MGAT4D: variants seen among roughly 807,000 people sequenced by gnomAD.
MGAT4D encodes the protein alpha-1,3-mannosyl-glycoprotein 4-beta-N-acetylglucosaminyltransferase-like protein MGAT4D.
In MGAT4D, 34 loss-of-function variants were observed where a neutral mutation model predicts 15.9. The observed-to-expected ratio is 2.14, with a 90% confidence interval of 1.62 to 2.84. MGAT4D has a LOEUF of 2.84. Among genes scored for constraint, MGAT4D ranks in the 30% most tolerant of loss-of-function variants. The pLI is 0.00. For synonymous variants in MGAT4D, 112 were observed against 48.2 expected (o/e 2.33, Z -5.49); for missense variants, 327 against 140.2 (o/e 2.33, Z -6.73).
chr4:140,449,679 G>C (rs1208561390), intron 10 of MGAT4D, among the ~76,000 whole-genome samples: 1 of 152,114 alleles, frequency 6.6e-6, no homozygotes, highest in African/African-American at 2.4e-5. Context: ...AGAATGGCGT[G>C]AACCTGGGAG....
At chr4:140,485,810 TAAAAAAAAAAAAAA>T (rs61131099) in intron 1 of MGAT4D, among the ~76,000 whole-genome samples, 235 of 13,018 alleles carry the variant, frequency 0.018, 3 homozygotes, top group African/African-American at 0.055. Flanking sequence ...GACCCTGTCT[TAAAAAAAAAAAAAA>T]AAAAAAAAAA....
At chr4:140,494,888 C>T (rs1030885878) in intron 1 of MGAT4D, among the ~76,000 whole-genome samples, 1 of 152,194 alleles carries the variant, frequency 6.6e-6, no homozygotes, top group African/African-American at 2.4e-5. Flanking sequence ...CCCAAAATGT[C>T]AACAGCGCTA....
intron 1 of MGAT4D, among the ~76,000 whole-genome samples, chr4:140,492,134 G>A (rs1560804019): frequency 1.3e-5 from 2 of 152,146 alleles, no homozygotes; most frequent in Non-Finnish European, 2.9e-5. Context: ...CTTTTAAAAG[G>A]TAGTTGCCTT....
chr4:140,473,613 C>G (rs1322868780), intron 4 of MGAT4D, among the ~76,000 whole-genome samples: 1 of 152,202 alleles, frequency 6.6e-6, no homozygotes, highest in African/African-American at 2.4e-5. Context: ...GAGAAGCTGA[C>G]ATTTTAACCT....
intron 10 of MGAT4D, among the ~76,000 whole-genome samples, chr4:140,448,226 C>T (rs1375340459): frequency 6.6e-6 from 1 of 152,108 alleles, no homozygotes; most frequent in African/African-American, 2.4e-5. Flanking sequence ...CTCTGCATTT[C>T]CTGAATTTGA....
intron 1 of MGAT4D, among the ~76,000 whole-genome samples, chr4:140,497,920 T>C (rs1216243985): frequency 6.6e-6 from 1 of 151,148 alleles, no homozygotes; most frequent in Non-Finnish European, 1.5e-5. Flanking sequence ...GAGGAGGAGG[T>C]CGGGGCGCGG....
intron 9 of MGAT4D, among the ~76,000 whole-genome samples, chr4:140,455,131 CCTT>C (rs1730718225): frequency 6.6e-6 from 1 of 150,948 alleles, no homozygotes; most frequent in African/African-American, 2.4e-5. Context: ...TTTATTTTGC[CCTT>C]CTTTTTTCTA....
intron 1 of MGAT4D, among the ~76,000 whole-genome samples, chr4:140,491,532 C>G (rs186800578): frequency 6.6e-6 from 1 of 151,944 alleles, no homozygotes; most frequent in South Asian, 2.1e-4. Flanking sequence ...TATGAAGTAG[C>G]CTGCAGGCAT....
chr4:140,486,635 A>T (rs1733153915), intron 1 of MGAT4D, among the ~76,000 whole-genome samples: 1 of 152,190 alleles, frequency 6.6e-6, no homozygotes, highest in Non-Finnish European at 1.5e-5. Context: ...CTAGAATGAG[A>T]GCAGCGAGAA....
intron 9 of MGAT4D, among the ~76,000 whole-genome samples, chr4:140,451,801 A>G (rs893019265): frequency 2.1e-4 from 32 of 152,240 alleles, no homozygotes; most frequent in African/African-American, 7.0e-4. Flanking sequence ...TTTAATTACA[A>G]TAACTCAAAT....
chr4:140,446,934 T>C (rs927850210), intron 10 of MGAT4D, among the ~76,000 whole-genome samples: 5 of 151,976 alleles, frequency 3.3e-5, no homozygotes, highest in Admixed American at 6.6e-5. Context: ...AAAGAACTTC[T>C]TAATTTCTGC....
At chr4:140,481,565 C>T (rs911564393) in intron 2 of MGAT4D, among the ~76,000 whole-genome samples, 2 of 152,194 alleles carry the variant, frequency 1.3e-5, no homozygotes, top group African/African-American at 4.8e-5. Context: ...ACCCAAATGC[C>T]TTTCAACTGG....
chr4:140,474,825 G>A lies in MGAT4D; in HGVS notation c.513C>T (p.Val171=). 1.5e-6 allele frequency: 1 copy of A among 680,890 alleles called. No homozygotes were observed. The highest frequency in any genetic ancestry group is 2.8e-5 in the East Asian group (1 of 35,990). The allele number at this position is 680,890 out of a possible 1,614,324, so 42.2% of individuals were successfully genotyped here. A position where few individuals can be genotyped will look rare whatever the true frequency, so the allele number is the denominator to read the frequency against. ...LSQEKDSVVI[V]LVADSNEDYL... ...TTTGTATACGTACATCTGCAACCAA[G>A]ACAATCACTACAGAATCCTTCTCTT... is the stretch of plus-strand genomic sequence containing the variant. The change falls in exon 4 of 11, where the codon GTC becomes GTT. Residue 171 remains valine (V), a synonymous_variant. Transcript: ENST00000511113.
At chr4:140,464,805 G>A (rs1731423224) in intron 6 of MGAT4D, 91 bp downstream of exon 6, 1 of 659,980 alleles carries the variant, frequency 1.5e-6, no homozygotes, top group East Asian at 2.7e-5. Flanking sequence ...GAACACCACT[G>A]TGTCTGAAAT....
rs116755221 is a variant in MGAT4D at position 140,458,118 on chromosome 4, T to C, written c.877+1394A>G. The C allele has an allele frequency of 3.5e-3, 535 of 152,298 alleles. 4 individuals are homozygous for C. The highest frequency in any genetic ancestry group is 0.012 in the African/African-American group (499 of 41,568). The allele number at this position is 152,298 out of a possible 1,614,324, so 9.4% of individuals were successfully genotyped here. A position where few individuals can be genotyped will look rare whatever the true frequency, so the allele number is the denominator to read the frequency against. ...ACCGTATAACCAATCTGTAAAGCAATTGGCAGTACTTAGAGCTATGTGAAT... is the reference window on the plus strand; with the variant it reads ...ACCGTATAACCAATCTGTAAAGCAACTGGCAGTACTTAGAGCTATGTGAAT... On this transcript the variant is annotated intron_variant, in intron 8 of 10. Transcript: ENST00000511113.
chr4:140,456,549 T>C (rs919988141), intron 9 of MGAT4D, 40 bp downstream of exon 9: 5 of 565,092 alleles, frequency 8.8e-6, no homozygotes, highest in African/African-American at 1.9e-5. Context: ...TAGATAATAT[T>C]TTTCCTAAAA....
At chr4:140,495,809 T>A (rs1401289210) in intron 1 of MGAT4D, among the ~76,000 whole-genome samples, 1 of 152,196 alleles carries the variant, frequency 6.6e-6, no homozygotes, top group Non-Finnish European at 1.5e-5. Context: ...TGATCTCGGC[T>A]CACTGCAACC....
chr4:140,460,607 A>C (rs962433596), intron 7 of MGAT4D, among the ~76,000 whole-genome samples: 41 of 152,186 alleles, frequency 2.7e-4, no homozygotes, highest in African/African-American at 9.6e-4. Context: ...AGGATGAGGC[A>C]GGCAGATTGC....
rs148460265 is a variant in MGAT4D, at chr4:140,493,052, T to C, written c.94+5077A>G. 2.0e-3 allele frequency among the ~76,000 whole-genome samples: 308 copies of C among 152,354 alleles called. 11 individuals are homozygous for C. In the East Asian group the frequency reaches 0.055, roughly 27 times the overall value. On this transcript the variant is annotated intron_variant, in intron 1 of 10. Transcript: ENST00000511113. Reference sequence around the variant, plus strand: ...ATGTCTATCATTTCCATTTTCTTGCTTCCTTATTCCCACTATACAAATTCT... The same window carrying C: ...ATGTCTATCATTTCCATTTTCTTGCCTCCTTATTCCCACTATACAAATTCT...
Sources: allele counts gnomAD v4.1 joint callset (sites outside exome capture counted in the v4.1 genomes callset), GRCh38; gene constraint gnomAD v4.1.1; transcripts MANE v1.5; gene names NCBI Gene and HGNC (gene_info 2026-07-23, HGNC 2026-07-21).